The following PTCH1 variants were observed in gnomAD, a reference collection of about 807,000 sequenced individuals.
PTCH1 encodes protein patched homolog 1.
In PTCH1, 14 loss-of-function variants were observed where a neutral mutation model predicts 144.6. The ratio of observed to expected loss-of-function variants is 0.10; its 90% CI spans 0.06 to 0.15. PTCH1 has a LOEUF of 0.15. PTCH1 is among the 10% of genes least tolerant of loss of function. The pLI is 1.00. For missense variants in PTCH1, 1,623 were observed against 1,948.3 expected, an observed-to-expected ratio of 0.83 and a Z score of 3.14; for synonymous variants, 833 against 793.6, an observed-to-expected ratio of 1.05 and a Z score of -0.83.
At chr9:95,491,862 C>G (rs1413695085) in intron 2 of PTCH1, among the ~76,000 whole-genome samples, 1 of 152,188 alleles carries the variant, frequency 6.6e-6, no homozygotes, top group Non-Finnish European at 1.5e-5. Context: ...AGGCTCACAA[C>G]CATGAAGATG....
intron 1 of PTCH1, among the ~76,000 whole-genome samples, chr9:95,515,327 T>C (rs1172537062): frequency 6.6e-6 from 1 of 152,222 alleles, no homozygotes; most frequent in Non-Finnish European, 1.5e-5. Context: ...TTATTATTTA[T>C]GTCTAGTTCT....
chr9:95,470,790 C>T (rs1453701250), intron 12 of PTCH1, among the ~76,000 whole-genome samples: 3 of 152,004 alleles, frequency 2.0e-5, no homozygotes, highest in South Asian at 2.1e-4. Context: ...AAATAAAAAA[C>T]GAGGCCAGGC....
Position 95,506,619 on chromosome 9 carries a change from G to A in PTCH1, c.202-20C>T. 1 of 1,584,496 alleles carries A rather than the reference G, an allele frequency of 6.3e-7. No homozygotes were observed. Among genetic ancestry groups the A allele is most frequent in the Non-Finnish European group, 8.6e-7 (1 of 1,164,470 alleles). On this transcript the variant is annotated intron_variant, in intron 1 of 23. Coordinates refer to ENST00000331920, the MANE Select transcript of PTCH1 (RefSeq NM_000264.5). ...CTTCCCCTGGGGACGAAGCAGAAGG[G>A]AGGAGTGAGCGCCGGGGAGTCGCGG...
At chr9:95,457,953 G>T (rs1839087052) in intron 18 of PTCH1, 60 bp downstream of exon 18, 1 of 1,603,584 alleles carries the variant, frequency 6.2e-7, no homozygotes, top group Non-Finnish European at 8.5e-7. Context: ...CTTCCCGGCT[G>T]CAGAAAGAGC....
At position 95,501,599 on chromosome 9, in the gene PTCH1, G is replaced by A. The variant is rs569065951; in HGVS notation, c.394+4808C>T. On this transcript the variant is annotated intron_variant, in intron 2 of 23. Coordinates refer to ENST00000331920, the MANE Select transcript of PTCH1 (RefSeq NM_000264.5). ...CCTTCTTCCTTGACGCTGGCCTGCAGCAATGTTAACATCCAAACACCAAAG... is the reference window on the plus strand; with the variant it reads ...CCTTCTTCCTTGACGCTGGCCTGCAACAATGTTAACATCCAAACACCAAAG... Among the ~76,000 whole-genome samples the A allele has an allele frequency of 2.0e-5, 3 of 151,422 alleles. No individual in the cohort carries two copies. In the East Asian group the frequency reaches 5.8e-4, roughly 29 times the overall value.
rs764540487 is a variant in PTCH1 at position 95,444,252 on chromosome 9, G to C, written c.*2141C>G. 34 of 148,014 alleles carry C rather than the reference G, an allele frequency of 2.3e-4. No individual in the cohort carries two copies. The Middle Eastern group carries it at 0.014, about 63-fold the overall frequency. The allele number at this position is 148,014 out of a possible 1,614,324, so 9.2% of individuals were successfully genotyped here. On this transcript the variant is annotated 3_prime_UTR_variant, in exon 24 of 24. Coordinates refer to ENST00000331920, the MANE Select transcript of PTCH1 (RefSeq NM_000264.5). ...TCCCTTTGCCAATGTGACTATTGGAGAAAGTTCTACACCATGCAGAAATCA... is the reference window on the plus strand; with the variant it reads ...TCCCTTTGCCAATGTGACTATTGGACAAAGTTCTACACCATGCAGAAATCA...
chr9:95,455,756 C>T (rs1838860724), intron 19 of PTCH1, among the ~76,000 whole-genome samples: 1 of 152,134 alleles, frequency 6.6e-6, no homozygotes, highest in African/African-American at 2.4e-5. Context: ...AGAGCCAGTT[C>T]CCCGGGGCTG....
chr9:95,474,824 C>T (rs1211715057), intron 12 of PTCH1, among the ~76,000 whole-genome samples: 1 of 152,166 alleles, frequency 6.6e-6, no homozygotes, highest in Non-Finnish European at 1.5e-5. Context: ...GTCAATTTCT[C>T]TTCCTGCTCG....
chr9:95,483,148 G>A (rs946013036), intron 3 of PTCH1: 1 of 151,590 alleles, frequency 6.6e-6, no homozygotes, highest in Middle Eastern at 3.2e-3. Flanking sequence ...CACATATATA[G>A]TCCCAGCTAC....
At position 95,446,968 on chromosome 9, in the gene PTCH1, T is replaced by C. The variant is rs1043260017; in HGVS notation, c.4288A>G (p.Ile1430Val). The C allele has an allele frequency of 6.2e-6, 10 of 1,614,086 alleles. No individual in the cohort carries two copies. Among genetic ancestry groups the C allele is most frequent in the Admixed American group, 1.7e-5 (1 of 60,012 alleles). ...CERRDSKVEVIELQDVECEER... is the reference protein window; with the variant it reads ...CERRDSKVEVVELQDVECEER... ...TCGCATTCCACGTCCTGCAGCTCAA[T>C]GACTTCCACCTTCGAATCCCTCCTC... is the stretch of plus-strand genomic sequence containing the variant. The change falls in exon 23 of 24, where the codon ATT (isoleucine) becomes GTT (valine). Residue 1430 changes from isoleucine to valine, a missense_variant. Coordinates refer to ENST00000331920, the MANE Select transcript of PTCH1 (RefSeq NM_000264.5).
At chr9:95,460,992 A>T (rs1839405838) in intron 16 of PTCH1, among the ~76,000 whole-genome samples, 1 of 152,168 alleles carries the variant, frequency 6.6e-6, no homozygotes, top group Non-Finnish European at 1.5e-5. Flanking sequence ...CCAGCAAAAA[A>T]GGGGAGACAA....
In PTCH1 at chr9:95,476,621, C is replaced by A; in HGVS notation, c.1602+138G>T. ...AGAGTCTTCCAGCTTATTTCATTGA[C>A]TGGCAGCCAGTGACACATCATCTGA... On this transcript the variant is annotated intron_variant, in intron 11 of 23. Transcript: ENST00000331920. This position sits in a 1 kb window ranked among gnomAD's most constrained non-coding sequence, Gnocchi z 4.6. The A allele has an allele frequency of 1.2e-6, 1 of 849,774 alleles. No homozygotes were observed. The highest frequency in any genetic ancestry group is 1.9e-6 in the Non-Finnish European group (1 of 514,142). 52.6% of individuals were successfully genotyped at this position (849,774 alleles called of 1,614,324 possible).
Position 95,485,062 on chromosome 9 carries a change from C to T in PTCH1, c.584+623G>A, listed in dbSNP as rs1841860137. 1.3e-5 allele frequency among the ~76,000 whole-genome samples: 2 copies of T among 151,930 alleles called. 1 individual carries two copies. Among genetic ancestry groups the T allele is most frequent in the South Asian group, 4.2e-4 (2 of 4,816 alleles). On this transcript the variant is annotated intron_variant, in intron 3 of 23. Transcript: ENST00000331920. ...CTCTACTGAAAATACAAAAATTAGC[C>T]AGGTGTGGTGGTGGGCGCCTCTAGC...
chr9:95,458,845 C>T lies in PTCH1; in HGVS notation c.2888-552G>A, dbSNP rs1839199922. 6.6e-6 allele frequency among the ~76,000 whole-genome samples: 1 copy of T among 152,318 alleles called. No individual in the cohort carries two copies. The highest frequency in any genetic ancestry group is 1.5e-5 in the Non-Finnish European group (1 of 68,036). On this transcript the variant is annotated intron_variant, in intron 17 of 23. Transcript: ENST00000331920. The surrounding 1 kb of genome is among the most constrained non-coding windows in gnomAD (Gnocchi z 4.7). ...CCTCTGGGGTCATTCAGTTGACTTG[C>T]TAAACATGATTTGCCCTATTATAAT...
chr9:95,455,393 G>A (rs551852440), intron 19 of PTCH1, among the ~76,000 whole-genome samples: 1 of 152,360 alleles, frequency 6.6e-6, no homozygotes, highest in Non-Finnish European at 1.5e-5. Flanking sequence ...CAAGCCCAGT[G>A]CTGGCTTCCT....
Position 95,443,372 on chromosome 9 carries a change from A to C in PTCH1, c.*3021T>G, listed in dbSNP as rs912884760. On this transcript the variant is annotated 3_prime_UTR_variant, in exon 24 of 24. Transcript: ENST00000331920. ...GCTCCAACACTAACTGTCTCTCCCA[A>C]GTATTTTAAAGAAAAAAAGCATTCT... 7.9e-5 allele frequency: 12 copies of C among 152,572 alleles called. No individual in the cohort carries two copies. The highest frequency in any genetic ancestry group is 6.5e-4 in the Admixed American group (10 of 15,282). The allele number at this position is 152,572 out of a possible 1,614,324, so 9.5% of individuals were successfully genotyped here.
At chr9:95,507,608 C>T (rs1251253528) in intron 1 of PTCH1, 3 of 325,714 alleles carry the variant, frequency 9.2e-6, no homozygotes, top group Non-Finnish European at 1.3e-5. Flanking sequence ...TTTAAGGGAG[C>T]AGAGATTTCA....
intron 2 of PTCH1, among the ~76,000 whole-genome samples, chr9:95,492,282 A>G (rs529946788): frequency 2.0e-5 from 3 of 152,306 alleles, no homozygotes; most frequent in Admixed American, 1.3e-4. Flanking sequence ...CCCTGAACAC[A>G]TTATTTTTTT....
intron 1 of PTCH1, among the ~76,000 whole-genome samples, chr9:95,516,129 T>C (rs1844352300): frequency 6.6e-6 from 1 of 151,680 alleles, no homozygotes; most frequent in Admixed American, 6.6e-5. Context: ...AAATGGGAGC[T>C]CCGGCGACCC....
Sources: gnomAD v4.1 joint callset for allele counts (sites outside exome capture counted in the v4.1 genomes callset) on GRCh38, gnomAD v4.1.1 for gene constraint, Gnocchi (gnomAD v3.1) non-coding constraint, MANE v1.5 for transcripts, NCBI Gene and HGNC (gene_info 2026-07-23, HGNC 2026-07-21) for gene names.